Variants in FRY observed in about 807,000 individuals in gnomAD.
FRY encodes the protein FRY microtubule binding protein.
A neutral mutation model predicts 348.4 loss-of-function variants in FRY; 128 were observed. The ratio of observed to expected loss-of-function variants is 0.37; its 90% CI spans 0.32 to 0.43. FRY has a LOEUF of 0.43. Ranked by LOEUF, FRY falls within the 20% of genes least tolerant of loss-of-function variation. FRY has a pLI of 1.00. For synonymous variants in FRY, 1,370 were observed against 1,374.7 expected (o/e 1.00, Z 0.08); for missense variants, 2,736 against 3,695.2 (o/e 0.74, Z 6.73).
intron 34 of FRY, among the ~76,000 whole-genome samples, chr13:32,211,598 G>A (rs1394839031): frequency 6.6e-6 from 1 of 152,210 alleles, no homozygotes; most frequent in East Asian, 1.9e-4. Flanking sequence ...GGACATTGCA[G>A]TCACTCAGGA....
chr13:32,164,698 G>A (rs1327413571), intron 17 of FRY, among the ~76,000 whole-genome samples: 1 of 152,196 alleles, frequency 6.6e-6, no homozygotes, highest in African/African-American at 2.4e-5. Context: ...TGAGATCCAT[G>A]GGGGTGCTTC....
chr13:32,162,740 C>G (rs752438218), intron 17 of FRY, among the ~76,000 whole-genome samples: 2 of 152,174 alleles, frequency 1.3e-5, no homozygotes, highest in Non-Finnish European at 2.9e-5. Flanking sequence ...TCACCCAGCC[C>G]TGTAGTCTCT....
chr13:32,293,751 T>A (rs1306286236), intron 59 of FRY, among the ~76,000 whole-genome samples: 2 of 152,210 alleles, frequency 1.3e-5, no homozygotes, highest in African/African-American at 4.8e-5. Context: ...AGTTTAAGAT[T>A]ATTCTATCTC....
chr13:32,252,959 A>G (rs1436316446), intron 50 of FRY, among the ~76,000 whole-genome samples: 1 of 152,176 alleles, frequency 6.6e-6, no homozygotes, highest in Admixed American at 6.5e-5. Flanking sequence ...CCCACAGTGA[A>G]GAGACACAAG....
chr13:32,183,794 A>G (rs931810298), intron 24 of FRY, among the ~76,000 whole-genome samples: 1 of 150,502 alleles, frequency 6.6e-6, no homozygotes, highest in Admixed American at 6.6e-5. Flanking sequence ...AAAAAAAAAA[A>G]AAAACCTAGA....
At chr13:32,098,329 A>G (rs1277886188) in intron 2 of FRY, among the ~76,000 whole-genome samples, 2 of 152,054 alleles carry the variant, frequency 1.3e-5, no homozygotes, top group Non-Finnish European at 2.9e-5. Flanking sequence ...GCTACATATC[A>G]GGTGGAATGC....
At chr13:32,166,985 C>G (rs942803213) in intron 17 of FRY, among the ~76,000 whole-genome samples, 1 of 152,174 alleles carries the variant, frequency 6.6e-6, no homozygotes, top group Non-Finnish European at 1.5e-5. Flanking sequence ...AAGGACTACA[C>G]TGCCCTGGGG....
chr13:32,036,559 A>T (rs117130679), intron 1 of FRY, among the ~76,000 whole-genome samples: 1 of 152,110 alleles, frequency 6.6e-6, no homozygotes. Flanking sequence ...TCCATGATTT[A>T]TATAGAGGGC....
chr13:32,061,537 A>G (rs1406788391), intron 1 of FRY, among the ~76,000 whole-genome samples: 1 of 152,204 alleles, frequency 6.6e-6, no homozygotes, highest in Non-Finnish European at 1.5e-5. Context: ...ATCATATTTA[A>G]TATTATAGTA....
intron 29 of FRY, among the ~76,000 whole-genome samples, chr13:32,195,449 G>C (rs1883616242): frequency 6.6e-6 from 1 of 151,946 alleles, no homozygotes; most frequent in Non-Finnish European, 1.5e-5. Context: ...ATAAAGTTTT[G>C]TTCACATGAC....
intron 1 of FRY, among the ~76,000 whole-genome samples, chr13:32,039,056 A>G (rs953757069): frequency 6.6e-6 from 1 of 152,184 alleles, no homozygotes; most frequent in African/African-American, 2.4e-5. Context: ...TTTCAGAGAC[A>G]GAGTAGGCCC....
At chr13:32,131,415 G>T (rs763425176) in intron 7 of FRY, among the ~76,000 whole-genome samples, 2 of 152,158 alleles carry the variant, frequency 1.3e-5, no homozygotes, top group African/African-American at 2.4e-5. Context: ...ATTTTGAGAA[G>T]GTCTAAATAA....
At position 32,296,496 on chromosome 13, in the gene FRY, G is replaced by C. The variant is rs1435110242; in HGVS notation, c.*1036G>C. 1 of 152,182 alleles carries C rather than the reference G, an allele frequency of 6.6e-6. No homozygotes were observed. Among genetic ancestry groups the C allele is most frequent in the African/African-American group, 2.4e-5 (1 of 41,258 alleles). The allele number at this position is 152,182 out of a possible 1,614,324, so 9.4% of individuals were successfully genotyped here. A position where few individuals can be genotyped will look rare whatever the true frequency, so the allele number is the denominator to read the frequency against. On this transcript the variant is annotated 3_prime_UTR_variant, in exon 61 of 61. Transcript: ENST00000542859. ...GTGTTAGATGTGTGCATGTGAACTT[G>C]TTGCACTGCAGAAACATATTCAGAG...
chr13:32,087,337 C>G (rs1875947743), intron 2 of FRY, among the ~76,000 whole-genome samples: 1 of 152,170 alleles, frequency 6.6e-6, no homozygotes, highest in East Asian at 1.9e-4. Context: ...TGTTGACATA[C>G]CTTTGTTCCT....
At chr13:32,185,373 A>C (rs1882969658) in intron 26 of FRY, among the ~76,000 whole-genome samples, 1 of 152,158 alleles carries the variant, frequency 6.6e-6, no homozygotes, top group African/African-American at 2.4e-5. Context: ...TGTGTGTGTC[A>C]TTTCTATTCT....
At chr13:32,195,748 A>G (rs951191053) in intron 29 of FRY, among the ~76,000 whole-genome samples, 1 of 152,176 alleles carries the variant, frequency 6.6e-6, no homozygotes, top group African/African-American at 2.4e-5. Flanking sequence ...AAAACCTGCT[A>G]TGTTCCAAGT....
At position 32,239,121 on chromosome 13, in the gene FRY, A is replaced by G; in HGVS notation, c.6419-131A>G. 1.4e-6 allele frequency: 1 copy of G among 710,670 alleles called. No homozygotes were observed. The highest frequency in any genetic ancestry group is 1.4e-5 in the South Asian group (1 of 69,234). The allele number at this position is 710,670 out of a possible 1,614,324, so 44.0% of individuals were successfully genotyped here. A position where few individuals can be genotyped will look rare whatever the true frequency, so the allele number is the denominator to read the frequency against. ...GCATTTTTCATAGATTTTGTGTTAG[A>G]TCATGTTTAAGCTGATTCAAAAAAC... On this transcript the variant is annotated intron_variant, in intron 44 of 60. Transcript: ENST00000542859. This position sits in a 1 kb window ranked among gnomAD's most constrained non-coding sequence, Gnocchi z 4.3.
intron 17 of FRY, among the ~76,000 whole-genome samples, chr13:32,161,944 A>G (rs1394592404): frequency 2.0e-5 from 3 of 152,242 alleles, no homozygotes; most frequent in Non-Finnish European, 4.4e-5. Context: ...ACAGTTATGC[A>G]TGTCTTTAAT....
chr13:32,106,934 C>T (rs1201313355), intron 3 of FRY, among the ~76,000 whole-genome samples: 1 of 152,194 alleles, frequency 6.6e-6, no homozygotes, highest in Non-Finnish European at 1.5e-5. Flanking sequence ...CCAGTTTGAA[C>T]TTAAATATAC....
Sources: allele counts gnomAD v4.1 joint callset (sites outside exome capture counted in the v4.1 genomes callset), GRCh38; gene constraint gnomAD v4.1.1; non-coding constraint Gnocchi (gnomAD v3.1); transcripts MANE v1.5; gene names NCBI Gene and HGNC (gene_info 2026-07-23, HGNC 2026-07-21).